Variants in PDE10A observed in about 807,000 individuals in gnomAD.
PDE10A encodes the protein phosphodiesterase 10A.
In PDE10A, 39 loss-of-function variants were observed where a neutral mutation model predicts 97.7. That is an observed-to-expected ratio of 0.40 (90% CI 0.31 to 0.52). PDE10A has a LOEUF of 0.52. Among genes scored for constraint, PDE10A ranks in the 20% least tolerant of loss-of-function variants. The pLI is 0.56. For missense variants in PDE10A, 731 were observed against 1,047.8 expected (o/e 0.70, Z 4.17); for synonymous variants, 371 against 376.8 (o/e 0.98, Z 0.18).
chr6:165,800,872 A>G (rs1453308779), intron 1 of PDE10A, among the ~76,000 whole-genome samples: 1 of 152,188 alleles, frequency 6.6e-6, no homozygotes, highest in Non-Finnish European at 1.5e-5. Flanking sequence ...AGGAGACACT[A>G]TTGCTCTTAC....
At chr6:165,824,523 T>C (rs1779668886) in intron 1 of PDE10A, among the ~76,000 whole-genome samples, 1 of 152,224 alleles carries the variant, frequency 6.6e-6, no homozygotes, top group African/African-American at 2.4e-5. Flanking sequence ...CTAATGCTTA[T>C]TCATCTAATC....
chr6:165,464,201 C>T (rs1387841924), intron 3 of PDE10A, among the ~76,000 whole-genome samples: 2 of 152,052 alleles, frequency 1.3e-5, no homozygotes, highest in Admixed American at 1.3e-4. Flanking sequence ...CACATACACA[C>T]ACAAACACAC....
chr6:165,474,119 T>TATA (rs1779165796), intron 3 of PDE10A, among the ~76,000 whole-genome samples: 1 of 152,212 alleles, frequency 6.6e-6, no homozygotes, highest in Admixed American at 6.5e-5. Flanking sequence ...ATGTCTTTTA[T>TATA]AGAGTTCTCT....
At position 165,661,232 on chromosome 6, in the gene PDE10A, T is replaced by C. The variant is rs1160749214; in HGVS notation, c.865+715A>G. On this transcript the variant is annotated intron_variant, in intron 1 of 21. Transcript: ENST00000539869. This position sits in a 1 kb window ranked among gnomAD's most constrained non-coding sequence, Gnocchi z 4.8. ...GTCGGAGGCGGCGGCGCCTTTCTCT[T>C]CCACCCTAGCGACCTATTGTCCTTC... is the stretch of plus-strand genomic sequence containing the variant. 6.6e-6 allele frequency: 1 copy of C among 152,548 alleles called. No homozygotes were observed. The highest frequency in any genetic ancestry group is 2.4e-5 in the African/African-American group (1 of 41,398). 9.4% of individuals were successfully genotyped at this position (152,548 alleles called of 1,614,324 possible).
Position 165,799,823 on chromosome 6 carries a change from T to G in PDE10A, c.-615+187706A>C, listed in dbSNP as rs1382078879. ...TGGACCATCGTAACTCTGGGGAACA[T>G]ACAACACTGAAATTCTTTGTGTGTG... is the stretch of plus-strand genomic sequence containing the variant. On this transcript the variant is annotated intron_variant, in intron 1 of 19. Coordinates refer to the PDE10A transcript ENST00000366882. 6.6e-5 allele frequency among the ~76,000 whole-genome samples: 10 copies of G among 152,236 alleles called. No homozygotes were observed. The East Asian group carries it at 1.9e-3, about 29-fold the overall frequency.
chr6:165,567,513 A>C (rs1041204804), intron 1 of PDE10A, among the ~76,000 whole-genome samples: 1 of 151,992 alleles, frequency 6.6e-6, no homozygotes, highest in African/African-American at 2.4e-5. Context: ...ATGCACACTG[A>C]CTCCACTGCT....
chr6:165,741,131 TAC>T (rs1218146342), intron 1 of PDE10A, among the ~76,000 whole-genome samples: 2 of 152,174 alleles, frequency 1.3e-5, no homozygotes, highest in Non-Finnish European at 2.9e-5. Context: ...TCTCACCACA[TAC>T]CTACAAAAAG....
At chr6:165,701,776 CGTGTGTGTGTGTGCAT>C (rs1791583320) in intron 1 of PDE10A, among the ~76,000 whole-genome samples, 1 of 146,888 alleles carries the variant, frequency 6.8e-6, no homozygotes, top group Non-Finnish European at 1.5e-5. Context: ...TGTATGTTTG[CGTGTGTGTGTGTGCAT>C]GTGTGTGTGT....
chr6:165,772,836 T>C (rs1019043224), intron 1 of PDE10A, among the ~76,000 whole-genome samples: 1 of 152,140 alleles, frequency 6.6e-6, no homozygotes, highest in African/African-American at 2.4e-5. Flanking sequence ...CATTTGGAAG[T>C]ACACATTAGG....
In PDE10A at chr6:165,331,346, G is replaced by A. The variant is rs1233691732; in HGVS notation, c.*1679C>T. The A allele has an allele frequency of 6.6e-6, 1 of 152,060 alleles. No individual in the cohort carries two copies. Among genetic ancestry groups the A allele is most frequent in the Non-Finnish European group, 1.5e-5 (1 of 68,016 alleles). 9.4% of individuals were successfully genotyped at this position (152,060 alleles called of 1,614,324 possible). Reference sequence around the variant, plus strand: ...CACGGAGGGAAGATGGCAACTTTCAGAAGCCCACAAGAAAACTGAACACAT... The same window carrying A: ...CACGGAGGGAAGATGGCAACTTTCAAAAGCCCACAAGAAAACTGAACACAT... On this transcript the variant is annotated 3_prime_UTR_variant, in exon 22 of 22. Transcript: ENST00000539869.
intron 1 of PDE10A, among the ~76,000 whole-genome samples, chr6:165,596,226 T>C (rs891611517): frequency 6.6e-6 from 1 of 152,204 alleles, no homozygotes; most frequent in East Asian, 1.9e-4. Context: ...TACTGTTGGC[T>C]GTACCCTGAA....
chr6:165,819,892 T>C lies in PDE10A; in HGVS notation c.-615+167637A>G, dbSNP rs1779521344. ...GTTGAATGTTATTCAGCTCTGTTTG[T>C]ATGTAATAATCAGTGGTTAATATGG... On this transcript the variant is annotated intron_variant, in intron 1 of 19. Transcript: ENST00000366882. This position sits in a 1 kb window ranked among gnomAD's most constrained non-coding sequence, Gnocchi z 4.2. Among the ~76,000 whole-genome samples, 1 of 152,190 alleles carries C rather than the reference T, an allele frequency of 6.6e-6. No homozygotes were observed. The highest frequency in any genetic ancestry group is 1.5e-5 in the Non-Finnish European group (1 of 68,036).
At chr6:165,456,240 T>A (rs1349336920) in intron 3 of PDE10A, among the ~76,000 whole-genome samples, 12 of 152,212 alleles carry the variant, frequency 7.9e-5, no homozygotes, top group Admixed American at 7.2e-4. Flanking sequence ...CAAACAATAG[T>A]GAGAGACCTA....
At chr6:165,497,696 A>G (rs569660645) in intron 2 of PDE10A, among the ~76,000 whole-genome samples, 47 of 152,218 alleles carry the variant, frequency 3.1e-4, no homozygotes, top group Non-Finnish European at 5.7e-4. Flanking sequence ...TATCAGGCCC[A>G]GGAGCAAATG....
chr6:165,959,416 C>T (rs1265520316), intron 1 of PDE10A, among the ~76,000 whole-genome samples: 1 of 152,144 alleles, frequency 6.6e-6, no homozygotes, highest in Non-Finnish European at 1.5e-5. Flanking sequence ...TAGGAAAAGT[C>T]ATGGTGTTTG....
At chr6:165,573,477 C>A (rs1395144841) in intron 1 of PDE10A, among the ~76,000 whole-genome samples, 1 of 152,102 alleles carries the variant, frequency 6.6e-6, no homozygotes, top group Non-Finnish European at 1.5e-5. Flanking sequence ...TTTCCCCCTC[C>A]TCATAGATTT....
intron 1 of PDE10A, among the ~76,000 whole-genome samples, chr6:165,920,545 C>T (rs1009162906): frequency 1.7e-4 from 24 of 142,760 alleles, no homozygotes; most frequent in African/African-American, 6.2e-4. Context: ...ACTGGGCTTA[C>T]ACACACACAC....
chr6:165,425,570 A>G (rs189389200), intron 10 of PDE10A, among the ~76,000 whole-genome samples: 2 of 152,280 alleles, frequency 1.3e-5, no homozygotes, highest in African/African-American at 2.4e-5. Flanking sequence ...AAAACCCACA[A>G]AAAAATCATA....
chr6:165,614,525 C>G (rs1189545121), intron 1 of PDE10A, among the ~76,000 whole-genome samples: 1 of 152,214 alleles, frequency 6.6e-6, no homozygotes. Context: ...ATGCTATCTC[C>G]ATCCCAGCCT....
Sources: gnomAD v4.1 joint callset for allele counts (sites outside exome capture counted in the v4.1 genomes callset) on GRCh38, gnomAD v4.1.1 for gene constraint, Gnocchi (gnomAD v3.1) non-coding constraint, MANE v1.5 for transcripts, NCBI Gene and HGNC (gene_info 2026-07-23, HGNC 2026-07-21) for gene names.